Variants in ABHD2 observed in about 807,000 individuals in gnomAD.
ABHD2 encodes monoacylglycerol lipase ABHD2.
A neutral mutation model predicts 48.1 loss-of-function variants in ABHD2; 20 were observed. That is an observed-to-expected ratio of 0.42 (90% CI 0.29 to 0.60). The LOEUF is 0.60. ABHD2 is among the 20% of genes least tolerant of loss of function. The probability of loss-of-function intolerance (pLI) is 0.24; values close to 1 mark genes in which losing one functional copy is unlikely to be tolerated. For missense variants in ABHD2, 405 were observed against 550.9 expected, an observed-to-expected ratio of 0.74 and a Z score of 2.65; for synonymous variants, 209 against 214.2, an observed-to-expected ratio of 0.98 and a Z score of 0.21.
rs2049576518 is a variant in ABHD2 at position 89,094,290 on chromosome 15, C to T, written c.-107+5727C>T. On this transcript the variant is annotated intron_variant, in intron 1 of 10. Transcript: ENST00000352732. The surrounding 1 kb of genome is among the most constrained non-coding windows in gnomAD (Gnocchi z 4.7). ...AAAGAGAAGCTTTGAAAGATTGCCT[C>T]CCTATGTGTACAGTCACTGTAGGCA... The T allele has an allele frequency of 6.6e-6, 1 of 152,138 alleles. No individual in the cohort carries two copies. 9.4% of individuals were successfully genotyped at this position (152,138 alleles called of 1,614,324 possible).
chr15:89,049,229 G>A, the ABHD2 span, among the ~76,000 whole-genome samples: 1 of 152,226 alleles, frequency 6.6e-6, no homozygotes, highest in Non-Finnish European at 1.5e-5. Flanking sequence ...ACCCACTTGA[G>A]GAGGCAGTCT....
chr15:89,048,038 G>A, the ABHD2 span, among the ~76,000 whole-genome samples: 17 of 151,784 alleles, frequency 1.1e-4, no homozygotes, highest in South Asian at 1.0e-3. Flanking sequence ...AGCTGGTACC[G>A]GTTGTTCCTT....
At chr15:89,075,379 C>CA in the ABHD2 span, 2 of 152,342 alleles carry the variant, frequency 1.3e-5, no homozygotes, top group African/African-American at 4.8e-5. The surrounding 1 kb of genome is among the most constrained non-coding windows in gnomAD (Gnocchi z 4.1). Context: ...AGCAGAGTCT[C>CA]AAAGGGTGAG....
In ABHD2 at chr15:89,175,419, G is replaced by T. The variant is rs1028694320; in HGVS notation, c.539-393G>T. Reference sequence around the variant, plus strand: ...GGGTCTCACCATTTTGTCCAGGCTGGCCTAGCTTTTATTTAGGTCTGTGTG... The same window carrying T: ...GGGTCTCACCATTTTGTCCAGGCTGTCCTAGCTTTTATTTAGGTCTGTGTG... On this transcript the variant is annotated intron_variant, in intron 5 of 10. Coordinates refer to ENST00000352732, the MANE Select transcript of ABHD2 (RefSeq NM_152924.5). The surrounding 1 kb of genome is among the most constrained non-coding windows in gnomAD (Gnocchi z 5.7). Among the ~76,000 whole-genome samples, 2 of 152,112 alleles carry T rather than the reference G, an allele frequency of 1.3e-5. No homozygotes were observed. Among genetic ancestry groups the T allele is most frequent in the Admixed American group, 6.5e-5 (1 of 15,268 alleles).
At chr15:89,135,872 A>G (rs12914695) in intron 3 of ABHD2, 2 of 686,996 alleles carry the variant, frequency 2.9e-6, no homozygotes, top group Non-Finnish European at 5.3e-6. Flanking sequence ...ACAGGACAGA[A>G]CAGAACAGGA....
the ABHD2 span, among the ~76,000 whole-genome samples, chr15:89,063,955 G>A: frequency 3.5e-4 from 53 of 151,996 alleles, no homozygotes; most frequent in Non-Finnish European, 4.9e-4. Context: ...GCCACGGACA[G>A]GTGCCAGTCC....
chr15:89,161,857 G>A (rs929079652), intron 5 of ABHD2, among the ~76,000 whole-genome samples: 1 of 152,210 alleles, frequency 6.6e-6, no homozygotes, highest in African/African-American at 2.4e-5. Flanking sequence ...GCTTATACAA[G>A]AGCAATTTAT....
At chr15:89,163,092 C>T (rs76096051) in intron 5 of ABHD2, among the ~76,000 whole-genome samples, 8,286 of 152,276 alleles carry the variant, frequency 0.054, 795 homozygotes, top group African/African-American at 0.19. Flanking sequence ...TGTGAATACC[C>T]TTTGGGCTTT....
At position 89,176,705 on chromosome 15, in the gene ABHD2, C is replaced by T. The variant is rs1239524522; in HGVS notation, c.722+710C>T. Among the ~76,000 whole-genome samples, 2 of 152,142 alleles carry T rather than the reference C, an allele frequency of 1.3e-5. No homozygotes were observed. Among genetic ancestry groups the T allele is most frequent in the Non-Finnish European group, 2.9e-5 (2 of 68,016 alleles). On this transcript the variant is annotated intron_variant, in intron 6 of 10. Coordinates refer to ENST00000352732, the MANE Select transcript of ABHD2 (RefSeq NM_152924.5). This position sits in a 1 kb window ranked among gnomAD's most constrained non-coding sequence, Gnocchi z 4.5. ...GCACACACTCACACTATACACACAC[C>T]TCTCCAGGCTCTTCAAATACATTCA...
chr15:89,056,330 G>A, the ABHD2 span, among the ~76,000 whole-genome samples: 10 of 152,152 alleles, frequency 6.6e-5, no homozygotes, highest in Non-Finnish European at 2.9e-5. Context: ...ACAAGAATAT[G>A]TATGGATTTT....
chr15:89,132,923 G>T (rs1325592580), intron 3 of ABHD2, among the ~76,000 whole-genome samples: 2 of 152,176 alleles, frequency 1.3e-5, no homozygotes, highest in African/African-American at 4.8e-5. Context: ...TACCGTAGGG[G>T]AGGGCTGCCA....
At position 89,106,973 on chromosome 15, in the gene ABHD2, C is replaced by T. The variant is rs983893412; in HGVS notation, c.-106-6752C>T. Reference sequence around the variant, plus strand: ...CAGACCATGTTTTTGGGGTGGTGTGCTGTGGCCTTCTGCTGTCCTTCTCCT... The same window carrying T: ...CAGACCATGTTTTTGGGGTGGTGTGTTGTGGCCTTCTGCTGTCCTTCTCCT... On this transcript the variant is annotated intron_variant, in intron 1 of 10. Coordinates refer to ENST00000352732, the MANE Select transcript of ABHD2 (RefSeq NM_152924.5). The surrounding 1 kb of genome is among the most constrained non-coding windows in gnomAD (Gnocchi z 4.2). Among the ~76,000 whole-genome samples the T allele has an allele frequency of 1.3e-5, 2 of 152,148 alleles. No homozygotes were observed. The highest frequency in any genetic ancestry group is 4.8e-5 in the African/African-American group (2 of 41,430).
the ABHD2 span, among the ~76,000 whole-genome samples, chr15:89,060,915 A>G: frequency 1.3e-5 from 2 of 152,166 alleles, no homozygotes; most frequent in Admixed American, 1.3e-4. Flanking sequence ...AAAAAAAAAT[A>G]ATGAAATCAT....
chr15:89,142,556 G>A (rs138745855), intron 3 of ABHD2, among the ~76,000 whole-genome samples: 1 of 152,106 alleles, frequency 6.6e-6, no homozygotes, highest in Non-Finnish European at 1.5e-5. Flanking sequence ...ATTAGAGCAC[G>A]GTAACTATTT....
At chr15:89,190,924 A>C (rs1003830717) in intron 8 of ABHD2, among the ~76,000 whole-genome samples, 156 bp from the exon 9 acceptor site, 3 of 152,152 alleles carry the variant, frequency 2.0e-5, no homozygotes, top group African/African-American at 4.8e-5. Context: ...ACAGTCATAA[A>C]ATCAGCTCAG....
rs2049754921 is a variant in ABHD2 at position 89,104,690 on chromosome 15, T to C, written c.-106-9035T>C. ...TCTTTGCCTGCCTTAGGGAGTTAGA[T>C]GGGTTGAGTGGTTCTTCAGGCAACG... On this transcript the variant is annotated intron_variant, in intron 1 of 10. Transcript: ENST00000352732. The surrounding 1 kb of genome is among the most constrained non-coding windows in gnomAD (Gnocchi z 4.4). Among the ~76,000 whole-genome samples, 1 of 152,206 alleles carries C rather than the reference T, an allele frequency of 6.6e-6. No individual in the cohort carries two copies. The highest frequency in any genetic ancestry group is 2.1e-4 in the South Asian group (1 of 4,828).
chr15:89,068,366 G>T, the ABHD2 span, among the ~76,000 whole-genome samples: 34 of 152,296 alleles, frequency 2.2e-4, no homozygotes, highest in Non-Finnish European at 3.5e-4. Flanking sequence ...ACTAGCAGGG[G>T]TGGCTAGCCT....
intron 5 of ABHD2, among the ~76,000 whole-genome samples, chr15:89,170,027 C>G (rs1283364154): frequency 7.0e-6 from 1 of 143,138 alleles, no homozygotes; most frequent in Non-Finnish European, 1.5e-5. Flanking sequence ...CTGTTTCACC[C>G]CTTGTTTTTA....
chr15:89,057,007 G>A, the ABHD2 span, among the ~76,000 whole-genome samples: 16 of 143,634 alleles, frequency 1.1e-4, no homozygotes, highest in African/African-American at 3.5e-4. Context: ...TCCGCCTCCC[G>A]GGTTCAAGCG....
Sources: gnomAD v4.1 joint callset for allele counts (sites outside exome capture counted in the v4.1 genomes callset) on GRCh38, gnomAD v4.1.1 for gene constraint, Gnocchi (gnomAD v3.1) non-coding constraint, MANE v1.5 for transcripts, NCBI Gene and HGNC (gene_info 2026-07-23, HGNC 2026-07-21) for gene names.